The following NKAIN1 variants were observed in gnomAD, a reference collection of about 807,000 sequenced individuals.
The protein encoded by NKAIN1 is sodium/potassium-transporting ATPase subunit beta-1-interacting protein 1.
NKAIN1 carries 13 observed loss-of-function variants against 31.6 expected under a neutral mutation model. The observed-to-expected ratio is 0.41, with a 90% confidence interval of 0.27 to 0.65. The LOEUF is 0.65. Ranked by LOEUF, NKAIN1 falls within the 30% of genes least tolerant of loss-of-function variation. The probability of loss-of-function intolerance (pLI) is 0.30; values close to 1 mark genes in which losing one functional copy is unlikely to be tolerated. For missense variants in NKAIN1, 193 were observed against 262.2 expected (o/e 0.74, Z 1.82); for synonymous variants, 104 against 109.0 (o/e 0.95, Z 0.28).
rs902862317 is a variant in NKAIN1, at chr1:31,215,795, C to G, written c.54+23699G>C. On this transcript the variant is annotated intron_variant, in intron 1 of 6. Coordinates refer to ENST00000373736, the MANE Select transcript of NKAIN1 (RefSeq NM_024522.3). ...GTGGTGCATCTCTCACGAGTTACCC[C>G]CAGTGACTATGCTAGAAGGGTTTCT... 3.3e-5 allele frequency among the ~76,000 whole-genome samples: 5 copies of G among 152,150 alleles called. No individual in the cohort carries two copies. In the East Asian group the frequency reaches 5.8e-4, roughly 18 times the overall value.
At chr1:31,184,055 G>A in intron 3 of NKAIN1, 41 bp from the exon 4 acceptor site, 1 of 1,564,930 alleles carries the variant, frequency 6.4e-7, no homozygotes, top group Non-Finnish European at 8.8e-7. Flanking sequence ...GTGAGGGAGA[G>A]GGAGGGGGGA....
chr1:31,222,654 C>A (rs1019204715), intron 1 of NKAIN1, among the ~76,000 whole-genome samples: 21 of 152,152 alleles, frequency 1.4e-4, no homozygotes, highest in African/African-American at 3.9e-4. Context: ...AACAGCTTTT[C>A]AAGGCTCCCC....
At chr1:31,237,281 A>G (rs1329678892) in intron 1 of NKAIN1, among the ~76,000 whole-genome samples, 3 of 152,130 alleles carry the variant, frequency 2.0e-5, no homozygotes, top group African/African-American at 7.2e-5. Flanking sequence ...CCCCCAAAAC[A>G]AAGCCTGGGT....
intron 1 of NKAIN1, among the ~76,000 whole-genome samples, chr1:31,194,993 G>A (rs1336800136): frequency 1.3e-5 from 2 of 148,794 alleles, no homozygotes; most frequent in South Asian, 2.1e-4. Context: ...GGCTTGTCTC[G>A]AACTCCTGAC....
chr1:31,199,265 G>T (rs1033240066), intron 1 of NKAIN1, among the ~76,000 whole-genome samples: 3 of 152,158 alleles, frequency 2.0e-5, no homozygotes, highest in Non-Finnish European at 2.9e-5. Flanking sequence ...GTGACCTTCG[G>T]CAAGTTATCC....
In NKAIN1 at chr1:31,180,528, A is replaced by G. The variant is rs1470524104; in HGVS notation, c.*1175T>C. The stretch of plus-strand genomic sequence containing the variant: ...GGCTTCTGGCCATTGGATTGGTTGT[A>G]AATGCTGGTGATCTGTAAACACTGG... On this transcript the variant is annotated 3_prime_UTR_variant, in exon 7 of 7. Coordinates refer to ENST00000373736, the MANE Select transcript of NKAIN1 (RefSeq NM_024522.3). 6.6e-6 allele frequency: 1 copy of G among 152,242 alleles called. No individual in the cohort carries two copies. The highest frequency in any genetic ancestry group is 1.5e-5 in the Non-Finnish European group (1 of 68,118). The allele number at this position is 152,242 out of a possible 1,614,324, so 9.4% of individuals were successfully genotyped here.
chr1:31,210,504 G>C (rs926084426), intron 1 of NKAIN1, among the ~76,000 whole-genome samples: 3 of 152,134 alleles, frequency 2.0e-5, no homozygotes, highest in Non-Finnish European at 4.4e-5. Context: ...GGCCAGGCTA[G>C]TCTCGAACAA....
Position 31,180,645 on chromosome 1 carries a change from T to A in NKAIN1, c.*1058A>T, listed in dbSNP as rs1416131553. The A allele has an allele frequency of 1.3e-5, 2 of 151,434 alleles. No homozygotes were observed. Among genetic ancestry groups the A allele is most frequent in the South Asian group, 2.1e-4 (1 of 4,756 alleles). 9.4% of individuals were successfully genotyped at this position (151,434 alleles called of 1,614,324 possible). On this transcript the variant is annotated 3_prime_UTR_variant, in exon 7 of 7. Coordinates refer to ENST00000373736, the MANE Select transcript of NKAIN1 (RefSeq NM_024522.3). ...ATGGAGCCGTCAGGGGTGAGTGGAG[T>A]TGTGGAGGTGATGGGGATACAGTAG...
chr1:31,184,061 G>C, intron 3 of NKAIN1, 47 bp from the exon 4 acceptor site: 1 of 1,537,466 alleles, frequency 6.5e-7, no homozygotes, highest in Non-Finnish European at 8.9e-7. Flanking sequence ...GAGAGGGAGG[G>C]GGGAGCTACT....
rs145984795 is a variant in NKAIN1, at chr1:31,221,043, C to A, written c.54+18451G>T. Among the ~76,000 whole-genome samples, 339 of 152,262 alleles carry A rather than the reference C, an allele frequency of 2.2e-3. 2 individuals are homozygous for A. The highest frequency in any genetic ancestry group is 7.8e-3 in the African/African-American group (323 of 41,550). ...GTGATGGAGGCAGGGGACAAGTTGT[C>A]AGGGCCCAGAGGAAGAAGTCAGTGT... is the stretch of plus-strand genomic sequence containing the variant. On this transcript the variant is annotated intron_variant, in intron 1 of 6. Coordinates refer to ENST00000373736, the MANE Select transcript of NKAIN1 (RefSeq NM_024522.3).
chr1:31,205,993 G>A (rs1402171180), intron 1 of NKAIN1, among the ~76,000 whole-genome samples: 1 of 151,264 alleles, frequency 6.6e-6, no homozygotes, highest in Non-Finnish European at 1.5e-5. Context: ...CAGCACTTTG[G>A]GAGGCTGAGG....
chr1:31,185,036 C>T (rs927904840), intron 3 of NKAIN1: 1 of 553,766 alleles, frequency 1.8e-6, no homozygotes, highest in Non-Finnish European at 3.3e-6. Context: ...ACATGGACTG[C>T]TCTTCAGCCT....
rs34521416 is a variant in NKAIN1 at position 31,191,400 on chromosome 1, GTTT to G, written c.55-3216_55-3214del. Among the ~76,000 whole-genome samples, 1,340 of 134,092 alleles carry G rather than the reference GTTT, an allele frequency of 1.0e-2. 10 individuals carry two copies. The highest frequency in any genetic ancestry group is 0.027 in the East Asian group (115 of 4,198). The allele number at this position is 134,092 out of a possible 152,430, so 88.0% of individuals were successfully genotyped here. ...CCTTATTGATAGAAAACAGAGAGAG[GTTT>G]TTTTTTTTTTTTTTTTTTAAAGCAG... is the stretch of plus-strand genomic sequence containing the variant. On this transcript the variant is annotated intron_variant, in intron 1 of 6. Transcript: ENST00000373736.
intron 1 of NKAIN1, among the ~76,000 whole-genome samples, chr1:31,232,724 G>T (rs146461633): frequency 6.6e-6 from 1 of 151,784 alleles, no homozygotes; most frequent in African/African-American, 2.4e-5. Context: ...AAAATAAAAG[G>T]ACTGACTAGA....
At chr1:31,217,988 G>A (rs1213208266) in intron 1 of NKAIN1, among the ~76,000 whole-genome samples, 2 of 149,948 alleles carry the variant, frequency 1.3e-5, no homozygotes, top group East Asian at 3.9e-4. Context: ...ATAATGATTT[G>A]TATTGGCCAT....
At chr1:31,224,343 A>G (rs1645585937) in intron 1 of NKAIN1, among the ~76,000 whole-genome samples, 1 of 152,178 alleles carries the variant, frequency 6.6e-6, no homozygotes, top group Admixed American at 6.5e-5. Context: ...TGATCCACAA[A>G]TCTCTACGTG....
At chr1:31,197,278 A>AT (rs941365051) in intron 1 of NKAIN1, among the ~76,000 whole-genome samples, 22 of 151,184 alleles carry the variant, frequency 1.5e-4, no homozygotes, top group South Asian at 1.3e-3. Flanking sequence ...CGCCCGGCTA[A>AT]TTTTTTGTAT....
chr1:31,188,195 A>G lies in NKAIN1; in HGVS notation c.55-8T>C. The G allele has an allele frequency of 6.4e-7, 1 of 1,551,166 alleles. No individual in the cohort carries two copies. The highest frequency in any genetic ancestry group is 8.7e-7 in the Non-Finnish European group (1 of 1,146,642). ...CCGCTCCAGCGCAGCCACCTGTGGA[A>G]GAGACAGGCTGAGGCCACTGTCACC... On this transcript the variant is annotated splice_polypyrimidine_tract_variant and splice_region_variant and intron_variant, in intron 1 of 6. Coordinates refer to ENST00000373736, the MANE Select transcript of NKAIN1 (RefSeq NM_024522.3).
chr1:31,239,388 G>A lies in NKAIN1; in HGVS notation c.54+106C>T. ...CAGACCACCCCCCGCCCGGGCACAC[G>A]CACCAGACACACACACAGAGACACA... On this transcript the variant is annotated intron_variant, in intron 1 of 6. Transcript: ENST00000373736. The surrounding 1 kb of genome is among the most constrained non-coding windows in gnomAD (Gnocchi z 4.8). 3 of 803,856 alleles carry A rather than the reference G, an allele frequency of 3.7e-6. No individual in the cohort carries two copies. Among genetic ancestry groups the A allele is most frequent in the Non-Finnish European group, 3.4e-6 (2 of 581,012 alleles). 49.8% of individuals were successfully genotyped at this position (803,856 alleles called of 1,614,324 possible).
Sources: allele counts gnomAD v4.1 joint callset (sites outside exome capture counted in the v4.1 genomes callset), GRCh38; gene constraint gnomAD v4.1.1; non-coding constraint Gnocchi (gnomAD v3.1); transcripts MANE v1.5; gene names NCBI Gene and HGNC (gene_info 2026-07-23, HGNC 2026-07-21).